Variants in CCNF observed in about 807,000 individuals in gnomAD.
The protein encoded by CCNF is cyclin-F.
A neutral mutation model predicts 85.4 loss-of-function variants in CCNF; 30 were observed. The ratio of observed to expected loss-of-function variants is 0.35; its 90% CI spans 0.26 to 0.48. The LOEUF (loss-of-function observed/expected upper bound fraction) is 0.48. Ranked by LOEUF, CCNF falls within the 20% of genes least tolerant of loss-of-function variation. The pLI is 0.99. For missense variants in CCNF, 919 were observed against 1,010.4 expected, an observed-to-expected ratio of 0.91 and a Z score of 1.23; for synonymous variants, 439 against 425.1, an observed-to-expected ratio of 1.03 and a Z score of -0.40.
intron 7 of CCNF, 27 bp from the exon 8 acceptor site, chr16:2,439,722 A>G (rs1157501919): frequency 6.2e-6 from 10 of 1,605,220 alleles, no homozygotes; most frequent in Non-Finnish European, 8.5e-6. Context: ...ACAGTTGTAC[A>G]AAGGCTCGGT....
Position 2,433,183 on chromosome 16 carries a change from A to G in CCNF, c.278+116A>G, listed in dbSNP as rs900612746. On this transcript the variant is annotated intron_variant, in intron 3 of 16. Transcript: ENST00000397066. ...TTTTCCTGTTGCTGTCTCCCATGACATTGCCTCATACCCTGGGGAGTGACT... is the reference window on the plus strand; with the variant it reads ...TTTTCCTGTTGCTGTCTCCCATGACGTTGCCTCATACCCTGGGGAGTGACT... 2.0e-5 allele frequency: 13 copies of G among 661,946 alleles called. No individual in the cohort carries two copies. The African/African-American group carries it at 2.3e-4, about 12-fold the overall frequency. 41.0% of individuals were successfully genotyped at this position (661,946 alleles called of 1,614,324 possible).
rs1318955463 is a variant in CCNF, at chr16:2,429,453, G to C, written c.-29G>C. ...GGGGCGCGGGCGCGCTCTCAGGCGG[G>C]CTCCGGCGGCAGCGACGCGAGCGCG... On this transcript the variant is annotated 5_prime_UTR_variant, in exon 1 of 17. Coordinates refer to ENST00000397066, the MANE Select transcript of CCNF (RefSeq NM_001761.3). The C allele has an allele frequency of 8.2e-7, 1 of 1,219,762 alleles. No homozygotes were observed. Among genetic ancestry groups the C allele is most frequent in the South Asian group, 4.1e-5 (1 of 24,316 alleles). 75.6% of individuals were successfully genotyped at this position (1,219,762 alleles called of 1,614,324 possible).
chr16:2,453,684 C>T lies in CCNF; in HGVS notation c.1715+147C>T. On this transcript the variant is annotated intron_variant, in intron 15 of 16. Transcript: ENST00000397066. This position sits in a 1 kb window ranked among gnomAD's most constrained non-coding sequence, Gnocchi z 5.6. The stretch of plus-strand genomic sequence containing the variant: ...AGGACAGTGACCCTGGGACGGAGCC[C>T]TGCAGTCATGCCTCGGGCCCCTGCG... 9.4e-7 allele frequency: 1 copy of T among 1,060,022 alleles called. No homozygotes were observed. The highest frequency in any genetic ancestry group is 1.4e-6 in the Non-Finnish European group (1 of 730,732). 65.7% of individuals were successfully genotyped at this position (1,060,022 alleles called of 1,614,324 possible).
At chr16:2,435,705 TC>T (rs2065287438) in intron 3 of CCNF, 100 bp from the exon 4 acceptor site, 4 of 489,892 alleles carry the variant, frequency 8.2e-6, no homozygotes, top group Admixed American at 3.0e-5. Context: ...ATATATATAT[TC>T]AATTCAGGGA....
At chr16:2,450,706 G>A (rs1285911364) in intron 13 of CCNF, among the ~76,000 whole-genome samples, 1 of 152,196 alleles carries the variant, frequency 6.6e-6, no homozygotes, top group African/African-American at 2.4e-5. Context: ...GTGGCCCTCA[G>A]GCGGCATCTG....
chr16:2,432,422 A>G (rs972291636), intron 2 of CCNF, among the ~76,000 whole-genome samples: 1 of 152,106 alleles, frequency 6.6e-6, no homozygotes, highest in Non-Finnish European at 1.5e-5. Flanking sequence ...TGAATTTCCA[A>G]TGGCAGTGGA....
chr16:2,455,573 G>T lies in CCNF; in HGVS notation c.1885+9G>T. 1 of 1,585,926 alleles carries T rather than the reference G, an allele frequency of 6.3e-7. No homozygotes were observed. Among genetic ancestry groups the T allele is most frequent in the Non-Finnish European group, 8.6e-7 (1 of 1,158,056 alleles). ...CGAGAAGGAGGGCGACGGTGAGTGT[G>T]GGGCCAGGGTGCACCAGAAGGGACA... On this transcript the variant is annotated intron_variant, in intron 16 of 16. Transcript: ENST00000397066.
In CCNF at chr16:2,453,787, G is replaced by A. The variant is rs2065408817; in HGVS notation, c.1715+250G>A. Among the ~76,000 whole-genome samples the A allele has an allele frequency of 6.6e-6, 1 of 151,976 alleles. No homozygotes were observed. The highest frequency in any genetic ancestry group is 6.5e-5 in the Admixed American group (1 of 15,278). ...CGCTCTGACTGGGCTCCCTGTGGAG[G>A]AAGATGGTTTCGAGCACGCGGGAGC... is the stretch of plus-strand genomic sequence containing the variant. On this transcript the variant is annotated intron_variant, in intron 15 of 16. Transcript: ENST00000397066. This position sits in a 1 kb window ranked among gnomAD's most constrained non-coding sequence, Gnocchi z 5.6.
At chr16:2,441,207 C>T (rs1362861083) in intron 8 of CCNF, among the ~76,000 whole-genome samples, 1 of 151,756 alleles carries the variant, frequency 6.6e-6, no homozygotes, top group African/African-American at 2.4e-5. Context: ...GCACTCCAGC[C>T]TGGCAACAGA....
chr16:2,455,252 AC>A, intron 15 of CCNF, 142 bp from the exon 16 acceptor site: 1 of 1,123,942 alleles, frequency 8.9e-7, no homozygotes, highest in Non-Finnish European at 1.2e-6. Flanking sequence ...TTCTAGCTTC[AC>A]CGGCATCTTC....
Position 2,435,793 on chromosome 16 carries a change from C to T in CCNF, c.279-13C>T. On this transcript the variant is annotated splice_polypyrimidine_tract_variant and intron_variant, in intron 3 of 16. Transcript: ENST00000397066. Reference sequence around the variant, plus strand: ...ATAAAATATTGTGATGCTTTATGTTCTTAATGTTTCAGGGCTGCTGAAAAG... The same window carrying T: ...ATAAAATATTGTGATGCTTTATGTTTTTAATGTTTCAGGGCTGCTGAAAAG... 1 of 1,609,236 alleles carries T rather than the reference C, an allele frequency of 6.2e-7. No homozygotes were observed. The highest frequency in any genetic ancestry group is 8.5e-7 in the Non-Finnish European group (1 of 1,176,414).
In CCNF at chr16:2,456,682, A is replaced by T. The variant is rs754199256; in HGVS notation, c.2023A>T (p.Thr675Ser). ...GGACCCACAGGCACTGGCGCTGGAC[A>T]CCCAGATCCCTGCAACCCCTGGACC... ...PQDPQALALD[T>S]QIPATPGPKP... Residue 675 changes from threonine (T) to serine (S), a missense_variant, in exon 17 of 17, where the codon ACC (threonine) becomes TCC (serine). Transcript: ENST00000397066. The surrounding 1 kb of genome is among the most constrained non-coding windows in gnomAD (Gnocchi z 4.5). The T allele has an allele frequency of 1.5e-5, 24 of 1,613,354 alleles. No homozygotes were observed. In the South Asian group the frequency reaches 2.4e-4, roughly 16 times the overall value.
chr16:2,435,804 AG>A lies in CCNF; in HGVS notation c.280del. On this transcript the variant is annotated splice_acceptor_variant, in intron 3 of 16. Coordinates refer to ENST00000397066, the MANE Select transcript of CCNF (RefSeq NM_001761.3). LOFTEE classifies it high-confidence loss of function. ...TGATGCTTTATGTTCTTAATGTTTCAGGGCTGCTGAAAAGGGGAATTTCGAA... is the reference window on the plus strand; with the variant it reads ...TGATGCTTTATGTTCTTAATGTTTCAGGCTGCTGAAAAGGGGAATTTCGAA... The A allele has an allele frequency of 6.2e-7, 1 of 1,612,102 alleles. No individual in the cohort carries two copies. The highest frequency in any genetic ancestry group is 8.5e-7 in the Non-Finnish European group (1 of 1,178,618).
rs572600364 is a variant in CCNF at position 2,451,158 on chromosome 16, G to A, written c.1487+1243G>A. Reference sequence around the variant, plus strand: ...ATGAAGTCCCTACCGTGGTCCAGGCGCTGGGGGAGAGGGCAGGACAGAGAG... The same window carrying A: ...ATGAAGTCCCTACCGTGGTCCAGGCACTGGGGGAGAGGGCAGGACAGAGAG... On this transcript the variant is annotated intron_variant, in intron 13 of 16. Coordinates refer to ENST00000397066, the MANE Select transcript of CCNF (RefSeq NM_001761.3). The surrounding 1 kb of genome is among the most constrained non-coding windows in gnomAD (Gnocchi z 4.3). Among the ~76,000 whole-genome samples the A allele has an allele frequency of 2.0e-4, 31 of 152,366 alleles. No individual in the cohort carries two copies. The highest frequency in any genetic ancestry group is 3.3e-4 in the Admixed American group (5 of 15,314).
At position 2,456,434 on chromosome 16, in the gene CCNF, C is replaced by T. The variant is rs573965243; in HGVS notation, c.1886-111C>T. On this transcript the variant is annotated intron_variant, in intron 16 of 16. Transcript: ENST00000397066. This position sits in a 1 kb window ranked among gnomAD's most constrained non-coding sequence, Gnocchi z 4.5. ...ACCACAGGAGGGTAACACAGGGGACCGTAGCAAGGTAGAAGATTCTTGACC... is the reference window on the plus strand; with the variant it reads ...ACCACAGGAGGGTAACACAGGGGACTGTAGCAAGGTAGAAGATTCTTGACC... The T allele has an allele frequency of 3.4e-5, 24 of 700,788 alleles. No homozygotes were observed. The highest frequency in any genetic ancestry group is 1.4e-4 in the African/African-American group (8 of 55,894). 43.4% of individuals were successfully genotyped at this position (700,788 alleles called of 1,614,324 possible). A position where few individuals can be genotyped will look rare whatever the true frequency, so the allele number is the denominator to read the frequency against.
chr16:2,449,358 G>T lies in CCNF; in HGVS notation c.1295G>T (p.Ser432Ile). The T allele has an allele frequency of 6.2e-7, 1 of 1,613,636 alleles. No homozygotes were observed. Among genetic ancestry groups the T allele is most frequent in the African/African-American group, 1.3e-5 (1 of 75,052 alleles). The change falls in exon 12 of 17, where the codon AGC becomes ATC. Residue 432 changes from serine to isoleucine, a missense_variant. Ser to Ile is a moderately radical substitution (Grantham distance 142). Coordinates refer to ENST00000397066, the MANE Select transcript of CCNF (RefSeq NM_001761.3). ...GAGCTGAGAACCCAGCACCTGTGCAGCTTCCTCTGCGAGCTCTCCCTGCTG... is the reference window on the plus strand; with the variant it reads ...GAGCTGAGAACCCAGCACCTGTGCATCTTCCTCTGCGAGCTCTCCCTGCTG... ...PVELRTQHLCSFLCELSLLHT... is the reference protein window; with the variant it reads ...PVELRTQHLCIFLCELSLLHT...
intron 9 of CCNF, among the ~76,000 whole-genome samples, 177 bp downstream of exon 9, chr16:2,443,977 T>G (rs1234293869): frequency 1.3e-5 from 2 of 151,346 alleles, no homozygotes; most frequent in Non-Finnish European, 2.9e-5. Flanking sequence ...TGGAGTGCAG[T>G]GGCGCGATCT....
chr16:2,456,558 C>A lies in CCNF; in HGVS notation c.1899C>A (p.Ser633Arg), dbSNP rs200209194. 6.5e-7 allele frequency: 1 copy of A among 1,538,962 alleles called. No homozygotes were observed. The highest frequency in any genetic ancestry group is 2.3e-5 in the East Asian group (1 of 44,226). Residue 633 changes from serine to arginine, a missense_variant, in exon 17 of 17, where the codon AGC (serine) becomes AGA (arginine). Physicochemically the swap from Ser to Arg is moderately radical, Grantham distance 110. This residue lies in a region of CCNF where 505 missense variants were observed against 514.8 expected (regional missense o/e 0.98). Transcript: ENST00000397066. This position sits in a 1 kb window ranked among gnomAD's most constrained non-coding sequence, Gnocchi z 4.5. The part of the protein sequence containing the change: ...GEKEGDVTAP[S>R]GILDVTVVYL... ...ACCTTCCTGCAGTGACAGCTCCCAG[C>A]GGCATCCTCGATGTCACCGTGGTCT...
intron 8 of CCNF, among the ~76,000 whole-genome samples, chr16:2,440,046 T>C (rs889102795): frequency 6.6e-6 from 1 of 152,232 alleles, no homozygotes; most frequent in African/African-American, 2.4e-5. Context: ...CATCTCTGCC[T>C]ATCCACTCTT....
Sources: gnomAD v4.1 joint callset for allele counts (sites outside exome capture counted in the v4.1 genomes callset) on GRCh38, gnomAD v4.1.1 for gene constraint, gnomAD v4.1.1 regional missense constraint, Gnocchi (gnomAD v3.1) non-coding constraint, MANE v1.5 for transcripts, NCBI Gene and HGNC (gene_info 2026-07-23, HGNC 2026-07-21) for gene names.